The following PITPNC1 variants were observed in gnomAD, a reference collection of about 807,000 sequenced individuals.
PITPNC1 encodes cytoplasmic phosphatidylinositol transfer protein 1.
PITPNC1 carries 18 observed loss-of-function variants against 44.7 expected under a neutral mutation model. That is an observed-to-expected ratio of 0.40 (90% CI 0.28 to 0.60). The LOEUF (loss-of-function observed/expected upper bound fraction) is 0.60, where lower values mean the gene tolerates loss of function less well. Ranked by LOEUF, PITPNC1 falls within the 20% of genes least tolerant of loss-of-function variation. The pLI, the probability that PITPNC1 is intolerant of heterozygous loss-of-function variation, is 0.39. For missense variants in PITPNC1, 290 were observed against 418.4 expected, an observed-to-expected ratio of 0.69 and a Z score of 2.68; for synonymous variants, 141 against 149.6, an observed-to-expected ratio of 0.94 and a Z score of 0.42.
Position 67,378,106 on chromosome 17 carries a change from TGG to T in PITPNC1, c.-45_-44del. On this transcript the variant is annotated 5_prime_UTR_variant, in exon 1 of 9. Coordinates refer to ENST00000581322, the MANE Select transcript of PITPNC1 (RefSeq NM_012417.4). ...GCCTGGGCAGCAGCCTTGCTGGTCT[TGG>T]GGGCGCCCCCCGCTTCCCGCCCCGG... is the stretch of plus-strand genomic sequence containing the variant. 1 of 1,410,880 alleles carries T rather than the reference TGG, an allele frequency of 7.1e-7. No homozygotes were observed. The highest frequency in any genetic ancestry group is 9.6e-7 in the Non-Finnish European group (1 of 1,042,980). The allele number at this position is 1,410,880 out of a possible 1,614,324, so 87.4% of individuals were successfully genotyped here.
intron 6 of PITPNC1, among the ~76,000 whole-genome samples, chr17:67,667,879 T>C (rs1170853933): frequency 6.6e-6 from 1 of 151,004 alleles, no homozygotes; most frequent in Non-Finnish European, 1.5e-5. Flanking sequence ...ACTTAGGAGG[T>C]TGAGGCAGGA....
At chr17:67,499,353 T>C (rs1401679403) in intron 1 of PITPNC1, among the ~76,000 whole-genome samples, 2 of 152,150 alleles carry the variant, frequency 1.3e-5, no homozygotes, top group Non-Finnish European at 2.9e-5. Context: ...TAGGTGGGAC[T>C]ACAGGCAAGT....
intron 1 of PITPNC1, among the ~76,000 whole-genome samples, chr17:67,420,770 AT>A (rs2038661501): frequency 6.6e-6 from 1 of 151,652 alleles, no homozygotes; most frequent in Non-Finnish European, 1.5e-5. Flanking sequence ...TTTCCATTGC[AT>A]TTCCTGACTT....
intron 5 of PITPNC1, among the ~76,000 whole-genome samples, chr17:67,589,166 A>C (rs2041358576): frequency 6.6e-6 from 1 of 152,208 alleles, no homozygotes; most frequent in South Asian, 2.1e-4. Flanking sequence ...TTGATTCCTT[A>C]AGATGTGGCC....
At position 67,449,877 on chromosome 17, in the gene PITPNC1, T is replaced by TG. The variant is rs569537313; in HGVS notation, c.48+71680dup. Among the ~76,000 whole-genome samples the TG allele has an allele frequency of 8.6e-4, 131 of 152,326 alleles. No homozygotes were observed. In the Middle Eastern group the frequency reaches 0.01, roughly 12 times the overall value. The stretch of plus-strand genomic sequence containing the variant: ...TTTAAAAAAATTCTTTTTGCAGAGA[T>TG]GGGGGTCTCACTATGTTGCTCAGGC... On this transcript the variant is annotated intron_variant, in intron 1 of 8. Coordinates refer to ENST00000581322, the MANE Select transcript of PITPNC1 (RefSeq NM_012417.4).
At chr17:67,677,233 A>G (rs1175695007) in intron 8 of PITPNC1, among the ~76,000 whole-genome samples, 1 of 152,180 alleles carries the variant, frequency 6.6e-6, no homozygotes, top group Non-Finnish European at 1.5e-5. Context: ...AGGAAATATC[A>G]AAAGGATATT....
At chr17:67,492,796 CA>C (rs1439152223) in intron 1 of PITPNC1, among the ~76,000 whole-genome samples, 1 of 152,152 alleles carries the variant, frequency 6.6e-6, no homozygotes. Context: ...TCTTCCCCTC[CA>C]CGCTTTGTGA....
At chr17:67,474,418 C>T (rs1002042839) in intron 1 of PITPNC1, among the ~76,000 whole-genome samples, 10 of 152,064 alleles carry the variant, frequency 6.6e-5, no homozygotes, top group South Asian at 2.1e-4. Context: ...TCAGCCCTGC[C>T]GACATTTGGA....
chr17:67,517,065 C>T (rs549133137), intron 1 of PITPNC1, among the ~76,000 whole-genome samples: 1 of 152,210 alleles, frequency 6.6e-6, no homozygotes, highest in Admixed American at 6.5e-5. Flanking sequence ...TAGCTTCTCA[C>T]TCTGATTGTA....
intron 1 of PITPNC1, among the ~76,000 whole-genome samples, chr17:67,524,043 C>CTCGT (rs2040364341): frequency 6.6e-6 from 1 of 152,000 alleles, no homozygotes; most frequent in East Asian, 1.9e-4. Context: ...AACTCCTGAC[C>CTCGT]TCGTGATCCA....
chr17:67,602,515 C>T (rs2041553600), intron 5 of PITPNC1, among the ~76,000 whole-genome samples: 1 of 152,006 alleles, frequency 6.6e-6, no homozygotes, highest in Admixed American at 6.6e-5. Flanking sequence ...GATGGGCTGC[C>T]CATGTGGACA....
intron 6 of PITPNC1, among the ~76,000 whole-genome samples, chr17:67,663,559 C>T (rs970691895): frequency 5.3e-5 from 8 of 150,802 alleles, no homozygotes; most frequent in Non-Finnish European, 1.5e-5. Flanking sequence ...CACAGCGAGA[C>T]TCCATCTCAA....
At chr17:67,690,931 T>G (rs910161731) in intron 8 of PITPNC1, among the ~76,000 whole-genome samples, 3 of 151,998 alleles carry the variant, frequency 2.0e-5, no homozygotes, top group African/African-American at 7.2e-5. Context: ...GGTGAAACCC[T>G]GTCTCTGCTA....
chr17:67,595,991 AAG>A (rs2041455228), intron 5 of PITPNC1, among the ~76,000 whole-genome samples: 1 of 152,222 alleles, frequency 6.6e-6, no homozygotes, highest in Non-Finnish European at 1.5e-5. Flanking sequence ...GCCATCATGG[AAG>A]AGATACTCAG....
rs542637141 is a variant in PITPNC1 at position 67,647,442 on chromosome 17, C to A, written c.462+15204C>A. 9.5e-4 allele frequency among the ~76,000 whole-genome samples: 140 copies of A among 146,998 alleles called. 1 individual carries two copies. Among genetic ancestry groups the A allele is most frequent in the Non-Finnish European group, 1.6e-3 (108 of 67,212 alleles). On this transcript the variant is annotated intron_variant, in intron 6 of 8. Coordinates refer to ENST00000581322, the MANE Select transcript of PITPNC1 (RefSeq NM_012417.4). ...AGTAGCTGGGACTACAGGTGCACAC[C>A]ATCACACCCAGCTAATTTTGGGTTT...
At chr17:67,494,161 C>CTCTTTCTTTCTT (rs1555657746) in intron 1 of PITPNC1, among the ~76,000 whole-genome samples, 2 of 103,912 alleles carry the variant, frequency 1.9e-5, no homozygotes, top group Admixed American at 1.0e-4. Context: ...TATGTGTAAC[C>CTCTTTCTTTCTT]TCTTTCTTTC....
At chr17:67,403,134 T>A (rs1182903596) in intron 1 of PITPNC1, among the ~76,000 whole-genome samples, 2 of 141,254 alleles carry the variant, frequency 1.4e-5, no homozygotes, top group Non-Finnish European at 3.0e-5. Flanking sequence ...CTTGTGCCTG[T>A]AATCCCAAGG....
intron 6 of PITPNC1, among the ~76,000 whole-genome samples, chr17:67,663,645 T>C (rs563219808): frequency 2.0e-5 from 3 of 152,210 alleles, no homozygotes; most frequent in Admixed American, 2.0e-4. Flanking sequence ...GACTGCCCCC[T>C]AAGCAGTGTG....
intron 4 of PITPNC1, among the ~76,000 whole-genome samples, chr17:67,568,209 G>A (rs144308447): frequency 1.4e-4 from 21 of 152,290 alleles, no homozygotes; most frequent in East Asian, 3.9e-4. Flanking sequence ...GAACATGGAT[G>A]AGCCTTGAAA....
Sources: gnomAD v4.1 joint callset for allele counts (sites outside exome capture counted in the v4.1 genomes callset) on GRCh38, gnomAD v4.1.1 for gene constraint, MANE v1.5 for transcripts, NCBI Gene and HGNC (gene_info 2026-07-23, HGNC 2026-07-21) for gene names.